Variants in GSE1 observed in about 807,000 individuals in gnomAD.
GSE1 encodes Gse1 coiled-coil protein, also known as genetic suppressor element 1.
A neutral mutation model predicts 112.6 loss-of-function variants in GSE1; 32 were observed. That is an observed-to-expected ratio of 0.28 (90% CI 0.21 to 0.38). The LOEUF is 0.38. GSE1 is among the 10% of genes least tolerant of loss of function. The pLI is 1.00. For missense variants in GSE1, 2,348 were observed against 1,699.2 expected (o/e 1.38, Z -6.71); for synonymous variants, 1,115 against 735.6 (o/e 1.52, Z -8.35).
At chr16:85,384,410 C>G (rs1260352530) in intron 2 of GSE1, among the ~76,000 whole-genome samples, 2 of 152,250 alleles carry the variant, frequency 1.3e-5, no homozygotes, top group African/African-American at 2.4e-5. Context: ...TCAGACCATT[C>G]TCTCAACCTC....
rs186383762 is a variant in GSE1 at position 85,666,481 on chromosome 16, A to G, written c.3130+134A>G. On this transcript the variant is annotated intron_variant, in intron 13 of 15. Coordinates refer to ENST00000253458, the MANE Select transcript of GSE1 (RefSeq NM_014615.5). Reference sequence around the variant, plus strand: ...AAACTCCAATCACCAGAAGAAAATAATTTCGTTATTATGCCAAAACCATGT... The same window carrying G: ...AAACTCCAATCACCAGAAGAAAATAGTTTCGTTATTATGCCAAAACCATGT... 1.5e-3 allele frequency: 1,208 copies of G among 802,586 alleles called. 17 individuals carry two copies. The highest frequency in any genetic ancestry group is 1.1e-4 in the Non-Finnish European group (54 of 499,366). 49.7% of individuals were successfully genotyped at this position (802,586 alleles called of 1,614,324 possible).
intron 1 of GSE1, among the ~76,000 whole-genome samples, chr16:85,625,881 G>A (rs566601788): frequency 1.3e-5 from 2 of 152,136 alleles, no homozygotes; most frequent in African/African-American, 4.8e-5. Flanking sequence ...GCGTGGCAGA[G>A]GACAGGTCTA....
chr16:85,593,509 C>A (rs1233475274), intron 1 of GSE1: 1 of 152,500 alleles, frequency 6.6e-6, no homozygotes, highest in Non-Finnish European at 1.5e-5. Flanking sequence ...CTTCTCCCGT[C>A]CTCCCCTCCC....
In GSE1 at chr16:85,206,283, CCTT is replaced by C. The variant is rs539778253; in HGVS notation, c.2283+34480_2283+34482del. On this transcript the variant is annotated intron_variant, in intron 1 of 2. Transcript: ENST00000637419. ...CGTTGGGGGAAGCCCGGGCCGGAGA[CCTT>C]CTTGGAGACCCAGGCCATGATCTGA... Among the ~76,000 whole-genome samples the C allele has an allele frequency of 1.2e-4, 18 of 152,160 alleles. No homozygotes were observed. In the South Asian group the frequency reaches 2.1e-3, roughly 18 times the overall value.
At chr16:85,522,223 G>A (rs2052209137) in intron 2 of GSE1, among the ~76,000 whole-genome samples, 2 of 152,012 alleles carry the variant, frequency 1.3e-5, no homozygotes, top group African/African-American at 4.8e-5. Context: ...GATTGGCCGG[G>A]CCGTGGCTTG....
intron 1 of GSE1, among the ~76,000 whole-genome samples, chr16:85,618,299 G>C (rs546879706): frequency 6.6e-6 from 1 of 152,276 alleles, no homozygotes; most frequent in East Asian, 1.9e-4. Context: ...TGTAAGACGA[G>C]GATGCAGAGG....
At chr16:85,393,563 T>C (rs1051031184) in intron 2 of GSE1, among the ~76,000 whole-genome samples, 2 of 152,220 alleles carry the variant, frequency 1.3e-5, no homozygotes, top group African/African-American at 4.8e-5. Flanking sequence ...GAGGGTGTTT[T>C]GCTAACTTCA....
At chr16:85,252,602 G>A (rs1006973442) in intron 1 of GSE1, among the ~76,000 whole-genome samples, 4 of 152,250 alleles carry the variant, frequency 2.6e-5, no homozygotes, top group Admixed American at 1.3e-4. Flanking sequence ...ATCCTCCTTC[G>A]GGGGTTTGTC....
At chr16:85,616,227 C>T (rs1403427828) in intron 1 of GSE1, among the ~76,000 whole-genome samples, 1 of 152,236 alleles carries the variant, frequency 6.6e-6, no homozygotes, top group Non-Finnish European at 1.5e-5. Flanking sequence ...CAGGTACTGT[C>T]TGTCCTCCCC....
At chr16:85,388,298 GGATGGATGGA>G in intron 2 of GSE1, among the ~76,000 whole-genome samples, 3 of 46,560 alleles carry the variant, frequency 6.4e-5, no homozygotes, top group Non-Finnish European at 1.0e-4. Flanking sequence ...GTGGGTGGAT[GGATGGATGGA>G]TGGATGGATG....
At chr16:85,398,949 TTG>T (rs1313228465) in intron 2 of GSE1, among the ~76,000 whole-genome samples, 1 of 151,948 alleles carries the variant, frequency 6.6e-6, no homozygotes, top group Non-Finnish European at 1.5e-5. Context: ...CGTTGTATGT[TTG>T]TGTGTGCCTC....
intron 2 of GSE1, among the ~76,000 whole-genome samples, chr16:85,400,158 G>A (rs967868628): frequency 4.6e-5 from 7 of 152,214 alleles, no homozygotes; most frequent in South Asian, 2.1e-4. Flanking sequence ...GCAAAAAAAC[G>A]GAGAATGATC....
chr16:85,516,287 A>T (rs2051933348), intron 2 of GSE1, among the ~76,000 whole-genome samples: 1 of 151,334 alleles, frequency 6.6e-6, no homozygotes, highest in South Asian at 2.1e-4. Flanking sequence ...TCTACCTGTG[A>T]CCTTGTGACT....
intron 2 of GSE1, among the ~76,000 whole-genome samples, chr16:85,401,014 G>C (rs911380680): frequency 6.6e-6 from 1 of 152,172 alleles, no homozygotes; most frequent in Admixed American, 6.5e-5. Context: ...ACATCAGTGC[G>C]GGTGCAGATC....
At chr16:85,503,874 G>A (rs1170542267) in intron 2 of GSE1, among the ~76,000 whole-genome samples, 1 of 152,196 alleles carries the variant, frequency 6.6e-6, no homozygotes, top group African/African-American at 2.4e-5. Context: ...TTATGCCAGG[G>A]ACGGAAAGCA....
rs777104715 is a variant in GSE1, at chr16:85,656,618, C to G, written c.1265C>G (p.Thr422Ser). 9.7e-6 allele frequency: 15 copies of G among 1,543,834 alleles called. No homozygotes were observed. In the African/African-American group the frequency reaches 2.1e-4, roughly 21 times the overall value. Residue 422 changes from threonine to serine, a missense_variant, in exon 7 of 16, where the codon ACT becomes AGT. By Grantham distance (58) the Thr-to-Ser change is moderately conservative (BLOSUM62 1). Transcript: ENST00000253458. Reference sequence around the variant, plus strand: ...CTGCATGGGCTGCGTGGCCATGCCACTGAGGAGCGGGGCAAGCCCTCGGAG... The same window carrying G: ...CTGCATGGGCTGCGTGGCCATGCCAGTGAGGAGCGGGGCAAGCCCTCGGAG... ...AELHGLRGHATEERGKPSEQL... is the reference protein window; with the variant it reads ...AELHGLRGHASEERGKPSEQL...
At chr16:85,214,217 G>A (rs2075272702) in intron 1 of GSE1, among the ~76,000 whole-genome samples, 1 of 152,150 alleles carries the variant, frequency 6.6e-6, no homozygotes, top group African/African-American at 2.4e-5. Flanking sequence ...CACCACCTCG[G>A]GGAAGCCGAC....
In GSE1 at chr16:85,450,788, C is replaced by T. The variant is rs144343185; in HGVS notation, c.2464+93145C>T. Among the ~76,000 whole-genome samples the T allele has an allele frequency of 1.6e-3, 235 of 149,740 alleles. 2 individuals carry two copies. In the Middle Eastern group the frequency reaches 0.031, roughly 20 times the overall value. ...TTTAAAAGCCAGGTTTGGCCGGGCA[C>T]GGTGGTTCACATCTGTGATCCCAGC... On this transcript the variant is annotated intron_variant, in intron 2 of 2. Transcript: ENST00000637419.
At chr16:85,319,009 G>C (rs1171214079) in intron 1 of GSE1, among the ~76,000 whole-genome samples, 1 of 152,216 alleles carries the variant, frequency 6.6e-6, no homozygotes, top group Non-Finnish European at 1.5e-5. Flanking sequence ...CTGGTGTCTG[G>C]TGTCCTTTGG....
Sources: allele counts gnomAD v4.1 joint callset (sites outside exome capture counted in the v4.1 genomes callset), GRCh38; gene constraint gnomAD v4.1.1; transcripts MANE v1.5; gene names NCBI Gene and HGNC (gene_info 2026-07-23, HGNC 2026-07-21).